Variants in ADAMTS2 observed in about 807,000 individuals in gnomAD.
The protein encoded by ADAMTS2 is ADAM metallopeptidase with thrombospondin type 1 motif 2.
A neutral mutation model predicts 123.0 loss-of-function variants in ADAMTS2; 50 were observed. The ratio of observed to expected loss-of-function variants is 0.41; its 90% CI spans 0.32 to 0.51. ADAMTS2 has a LOEUF of 0.51. Ranked by LOEUF, ADAMTS2 falls within the 20% of genes least tolerant of loss-of-function variation. The pLI, the probability that ADAMTS2 is intolerant of heterozygous loss-of-function variation, is 0.35. For synonymous variants in ADAMTS2, 678 were observed against 695.4 expected, an observed-to-expected ratio of 0.98 and a Z score of 0.39; for missense variants, 1,494 against 1,705.2, an observed-to-expected ratio of 0.88 and a Z score of 2.18.
At position 179,197,843 on chromosome 5, in the gene ADAMTS2, C is replaced by G. The variant is rs28409173; in HGVS notation, c.891+9670G>C. On this transcript the variant is annotated intron_variant, in intron 4 of 21. Coordinates refer to ENST00000251582, the MANE Select transcript of ADAMTS2 (RefSeq NM_014244.5). The surrounding 1 kb of genome is among the most constrained non-coding windows in gnomAD (Gnocchi z 4.2). ...GTACCTGGGGACGAAACTTGAGGTG[C>G]CACACACATCTGAGCTGCCTCCTAG... 7.9e-5 allele frequency among the ~76,000 whole-genome samples: 12 copies of G among 152,170 alleles called. No homozygotes were observed. Among genetic ancestry groups the G allele is most frequent in the Non-Finnish European group, 1.3e-4 (9 of 68,028 alleles).
At chr5:179,289,975 C>T (rs537182892) in intron 2 of ADAMTS2, among the ~76,000 whole-genome samples, 2 of 152,200 alleles carry the variant, frequency 1.3e-5, no homozygotes, top group African/African-American at 2.4e-5. Flanking sequence ...CTAAATGCCA[C>T]GTGGGATCCT....
intron 13 of ADAMTS2, among the ~76,000 whole-genome samples, chr5:179,135,097 T>C (rs1581145101): frequency 4.8e-5 from 2 of 41,590 alleles, no homozygotes; most frequent in Admixed American, 3.0e-4. Flanking sequence ...AGCCCCCAGC[T>C]CCCGGCTCCA....
At chr5:179,133,306 C>T (rs527978443) in intron 13 of ADAMTS2, among the ~76,000 whole-genome samples, 5 of 152,094 alleles carry the variant, frequency 3.3e-5, no homozygotes, top group Non-Finnish European at 5.9e-5. Context: ...CTTGCTCTGT[C>T]GCCCAGGCTG....
chr5:179,286,561 C>A (rs1023751507), intron 2 of ADAMTS2, among the ~76,000 whole-genome samples: 2 of 152,132 alleles, frequency 1.3e-5, no homozygotes, highest in Admixed American at 1.3e-4. Flanking sequence ...AGGCTGCACT[C>A]CAAGAACTGA....
Position 179,114,291 on chromosome 5 carries a change from C to A in ADAMTS2, c.3212G>T (p.Cys1071Phe). Reference protein sequence around the residue: ...GHCQGDKSIFCRMEVLSRYCS... With the variant: ...GHCQGDKSIFFRMEVLSRYCS... ...ATAGCGGGACAAGACTTCCATCCTA[C>A]AGAATATTGACTTGTCGCCTTGGCA... The change falls in exon 22 of 22, where the codon TGT becomes TTT. Residue 1071 changes from cysteine to phenylalanine, a missense_variant. Cys to Phe is a radical substitution (Grantham distance 205). This residue lies in a region of ADAMTS2 where 953 missense variants were observed against 1,124.7 expected (regional missense o/e 0.85). Coordinates refer to ENST00000251582, the MANE Select transcript of ADAMTS2 (RefSeq NM_014244.5). The A allele has an allele frequency of 6.2e-7, 1 of 1,614,102 alleles. No individual in the cohort carries two copies. The highest frequency in any genetic ancestry group is 1.1e-5 in the South Asian group (1 of 91,076).
chr5:179,258,548 C>T (rs963533878), intron 3 of ADAMTS2, among the ~76,000 whole-genome samples: 1 of 152,202 alleles, frequency 6.6e-6, no homozygotes, highest in African/African-American at 2.4e-5. Flanking sequence ...CCCCATGGCA[C>T]ACCCCACGGA....
chr5:179,264,106 G>T (rs1766300230), intron 3 of ADAMTS2, among the ~76,000 whole-genome samples: 1 of 152,108 alleles, frequency 6.6e-6, no homozygotes, highest in South Asian at 2.1e-4. Context: ...AGAGCTTCCT[G>T]TCCCCTTCAG....
intron 5 of ADAMTS2, among the ~76,000 whole-genome samples, chr5:179,173,828 C>T (rs1561789682): frequency 6.6e-6 from 1 of 151,940 alleles, no homozygotes; most frequent in Non-Finnish European, 1.5e-5. Context: ...CCTGGCCAAC[C>T]TGGTGAAACC....
chr5:179,265,950 G>A (rs1235802957), intron 3 of ADAMTS2, among the ~76,000 whole-genome samples: 3 of 152,234 alleles, frequency 2.0e-5, no homozygotes, highest in East Asian at 3.9e-4. Flanking sequence ...ATCCAGCGCC[G>A]AGGCGCTGAA....
chr5:179,116,517 T>C (rs1244642324), intron 21 of ADAMTS2, among the ~76,000 whole-genome samples: 3 of 152,122 alleles, frequency 2.0e-5, no homozygotes, highest in Non-Finnish European at 4.4e-5. Context: ...TCAGCAGCTG[T>C]GCCTTCCCAG....
rs546412732 is a variant in ADAMTS2 at position 179,200,865 on chromosome 5, C to T, written c.891+6648G>A. ...AGGACTGGGGGAAATATTTCCCACA[C>T]ATGTGACAGACAAAAAGTTTATCTA... On this transcript the variant is annotated intron_variant, in intron 4 of 21. Coordinates refer to ENST00000251582, the MANE Select transcript of ADAMTS2 (RefSeq NM_014244.5). 4.8e-4 allele frequency among the ~76,000 whole-genome samples: 73 copies of T among 152,284 alleles called. 2 individuals carry two copies. In the South Asian group the frequency reaches 0.015, roughly 32 times the overall value.
chr5:179,126,234 C>T, intron 17 of ADAMTS2, 104 bp from the exon 18 acceptor site: 2 of 1,519,702 alleles, frequency 1.3e-6, no homozygotes, highest in Non-Finnish European at 1.8e-6. Context: ...TTTTCCTGCT[C>T]ACCCTTGTGA....
At chr5:179,154,539 G>C (rs1357612417) in intron 7 of ADAMTS2, among the ~76,000 whole-genome samples, 1 of 152,210 alleles carries the variant, frequency 6.6e-6, no homozygotes, top group Non-Finnish European at 1.5e-5. Flanking sequence ...ACCCTGCCTG[G>C]GGGCTTGGAT....
intron 2 of ADAMTS2, among the ~76,000 whole-genome samples, chr5:179,277,337 CTGACCCCCCTGAGACCAAAGGCTGACA>C (rs1766731155): frequency 4.7e-5 from 1 of 21,206 alleles, no homozygotes; most frequent in African/African-American, 4.5e-4. Context: ...AGACCAAAGG[CTGACCCCCCTGAGACCAAAGGCTGACA>C]CCCCCCGAGA....
chr5:179,282,251 A>T (rs1766934167), intron 2 of ADAMTS2, among the ~76,000 whole-genome samples: 1 of 152,234 alleles, frequency 6.6e-6, no homozygotes, highest in Non-Finnish European at 1.5e-5. Flanking sequence ...ACATTATTTA[A>T]GAGTTCTATA....
intron 5 of ADAMTS2, among the ~76,000 whole-genome samples, chr5:179,174,354 AT>A (rs1763888712): frequency 6.6e-6 from 1 of 151,886 alleles, no homozygotes; most frequent in Non-Finnish European, 1.5e-5. Context: ...CCTGCTTGTC[AT>A]TTGCCTTTTC....
intron 2 of ADAMTS2, among the ~76,000 whole-genome samples, chr5:179,335,938 G>C (rs746290312): frequency 6.6e-6 from 1 of 152,196 alleles, no homozygotes; most frequent in East Asian, 1.9e-4. Flanking sequence ...AAACCTTGTC[G>C]TTTAGGGGTT....
At chr5:179,159,439 G>T (rs1452801654) in intron 5 of ADAMTS2, among the ~76,000 whole-genome samples, 1 of 152,224 alleles carries the variant, frequency 6.6e-6, no homozygotes, top group East Asian at 1.9e-4. Context: ...TATTTGGTGG[G>T]TGCAAAAGTA....
chr5:179,325,384 G>A (rs1164194204), intron 2 of ADAMTS2, among the ~76,000 whole-genome samples: 2 of 152,224 alleles, frequency 1.3e-5, no homozygotes, highest in South Asian at 2.1e-4. Context: ...GGGGCAGGGA[G>A]AAGACAGGGC....
Sources: allele counts gnomAD v4.1 joint callset (sites outside exome capture counted in the v4.1 genomes callset), GRCh38; gene constraint gnomAD v4.1.1; regional missense constraint gnomAD v4.1.1; non-coding constraint Gnocchi (gnomAD v3.1); transcripts MANE v1.5; gene names NCBI Gene and HGNC (gene_info 2026-07-23, HGNC 2026-07-21).